SV2B: variants seen among roughly 807,000 people sequenced by gnomAD.
SV2B encodes the protein synaptic vesicle glycoprotein 2B.
In SV2B, 41 loss-of-function variants were observed where a neutral mutation model predicts 73.9. That is an observed-to-expected ratio of 0.56 (90% CI 0.43 to 0.72). The LOEUF is 0.72. Ranked by LOEUF, SV2B falls within the 30% of genes least tolerant of loss-of-function variation. The pLI, the probability that SV2B is intolerant of heterozygous loss-of-function variation, is 0.00. For missense variants in SV2B, 764 were observed against 857.8 expected, an observed-to-expected ratio of 0.89 and a Z score of 1.37; for synonymous variants, 314 against 314.2, an observed-to-expected ratio of 1.00 and a Z score of 0.01.
At chr15:91,108,557 GT>G (rs974134588) in intron 1 of SV2B, among the ~76,000 whole-genome samples, 2 of 152,244 alleles carry the variant, frequency 1.3e-5, no homozygotes, top group African/African-American at 2.4e-5. Context: ...ATGCTGCTGT[GT>G]TTTCTCTGTT....
chr15:91,143,406 A>AGAATAC (rs1238062395), intron 1 of SV2B, among the ~76,000 whole-genome samples: 15 of 152,306 alleles, frequency 9.8e-5, no homozygotes, highest in African/African-American at 3.1e-4. Flanking sequence ...ATTTGCCCCG[A>AGAATAC]GAATACCTGC....
At chr15:91,217,456 C>T (rs1273326603) in intron 1 of SV2B, among the ~76,000 whole-genome samples, 2 of 151,954 alleles carry the variant, frequency 1.3e-5, no homozygotes, top group African/African-American at 4.8e-5. Context: ...AGGAGATATA[C>T]CTAATGTAAG....
rs1194539706 is a variant in SV2B at position 91,158,683 on chromosome 15, TCTCTTCTCTTCTCTTCTCTC to T, written c.-392+58325_-392+58344del. ...TCTCTTCTCTTCTCTTCTCTTCTCT[TCTCTTCTCTTCTCTTCTCTC>T]CTCTCCTCTCCTCTCCTCTCCTCTC... is the stretch of plus-strand genomic sequence containing the variant. On this transcript the variant is annotated intron_variant, in intron 1 of 12. Coordinates refer to ENST00000394232, the MANE Select transcript of SV2B (RefSeq NM_001323032.3). Among the ~76,000 whole-genome samples, 34 of 61,608 alleles carry T rather than the reference TCTCTTCTCTTCTCTTCTCTC, an allele frequency of 5.5e-4. 2 individuals carry two copies. Among genetic ancestry groups the T allele is most frequent in the African/African-American group, 7.9e-4 (12 of 15,178 alleles). The allele number at this position is 61,608 out of a possible 152,430, so 40.4% of individuals were successfully genotyped here.
intron 1 of SV2B, among the ~76,000 whole-genome samples, chr15:91,206,165 G>A (rs981313740): frequency 6.7e-6 from 1 of 148,258 alleles, no homozygotes; most frequent in African/African-American, 2.5e-5. Context: ...ACCCTTCTGA[G>A]TAGCTGGGAC....
rs1408561113 is a variant in SV2B, at chr15:91,295,581, T to C, written c.*3029T>C. On this transcript the variant is annotated 3_prime_UTR_variant, in exon 13 of 13. Transcript: ENST00000394232. The stretch of plus-strand genomic sequence containing the variant: ...ACGATGTGGCCCAGATTACATGTAA[T>C]GTGAGGAGTGGGCGAGAAGGCCTAA... 2 of 152,148 alleles carry C rather than the reference T, an allele frequency of 1.3e-5. No homozygotes were observed. The highest frequency in any genetic ancestry group is 1.3e-4 in the Admixed American group (2 of 15,286). The allele number at this position is 152,148 out of a possible 1,614,324, so 9.4% of individuals were successfully genotyped here.
At position 91,129,589 on chromosome 15, in the gene SV2B, A is replaced by G. The variant is rs1223777547; in HGVS notation, c.-392+29226A>G. Among the ~76,000 whole-genome samples, 2 of 152,222 alleles carry G rather than the reference A, an allele frequency of 1.3e-5. No individual in the cohort carries two copies. Among genetic ancestry groups the G allele is most frequent in the Non-Finnish European group, 2.9e-5 (2 of 68,042 alleles). ...ATGTGCCCAGCACAGCACACTGGGC[A>G]CAGACTAGGACTGCATCTGGTTGCC... On this transcript the variant is annotated intron_variant, in intron 1 of 12. Transcript: ENST00000394232. The surrounding 1 kb of genome is among the most constrained non-coding windows in gnomAD (Gnocchi z 5.1).
At position 91,289,463 on chromosome 15, in the gene SV2B, C is replaced by T; in HGVS notation, c.1709-58C>T. ...GAGATGGGGCAAGAACTGTGAGTGA[C>T]AGCCATGTGCAAGACACAGGCCTCA... On this transcript the variant is annotated intron_variant, in intron 11 of 12. Transcript: ENST00000394232. This position sits in a 1 kb window ranked among gnomAD's most constrained non-coding sequence, Gnocchi z 4.9. 3 of 1,607,884 alleles carry T rather than the reference C, an allele frequency of 1.9e-6. No individual in the cohort carries two copies. The South Asian group carries it at 3.3e-5, about 18-fold the overall frequency.
At chr15:91,202,592 G>C (rs763453996) in intron 1 of SV2B, among the ~76,000 whole-genome samples, 1 of 152,184 alleles carries the variant, frequency 6.6e-6, no homozygotes, top group African/African-American at 2.4e-5. Context: ...GAGAACAGTG[G>C]CTGGCACATG....
intron 2 of SV2B, among the ~76,000 whole-genome samples, chr15:91,238,391 GA>G (rs1235149311): frequency 1.3e-5 from 2 of 152,162 alleles, no homozygotes; most frequent in African/African-American, 4.8e-5. Flanking sequence ...AAGTAACTTG[GA>G]AAAACTAGTC....
rs2049461878 is a variant in SV2B, at chr15:91,302,155, A to G, written c.*9603A>G. Among the ~76,000 whole-genome samples the G allele has an allele frequency of 6.6e-6, 1 of 152,248 alleles. No individual in the cohort carries two copies. Among genetic ancestry groups the G allele is most frequent in the Admixed American group, 6.5e-5 (1 of 15,284 alleles). On this transcript the variant is annotated 3_prime_UTR_variant, in exon 13 of 13. Transcript: ENST00000394232. The stretch of plus-strand genomic sequence containing the variant: ...TGCATTGTGACTAACACAGTATTTG[A>G]TACGTAGTAGGTCTCAATAGATGAT...
chr15:91,243,199 T>C (rs919092661), intron 2 of SV2B, among the ~76,000 whole-genome samples: 2 of 152,138 alleles, frequency 1.3e-5, no homozygotes, highest in Admixed American at 1.3e-4. Flanking sequence ...CTGAGCCTCA[T>C]TGGGTTATGA....
In SV2B at chr15:91,151,098, G is replaced by C. The variant is rs57590898; in HGVS notation, c.-392+50735G>C. On this transcript the variant is annotated intron_variant, in intron 1 of 12. Transcript: ENST00000394232. ...ACCATGGAGCTGCCTCACCATGAGC[G>C]TGGAGCTCTGCCCTGTGCTGAGATG... 9.0e-3 allele frequency among the ~76,000 whole-genome samples: 1,377 copies of C among 152,340 alleles called. 26 individuals are homozygous for C. The highest frequency in any genetic ancestry group is 0.032 in the African/African-American group (1,324 of 41,574).
chr15:91,190,442 C>T (rs1481155018), intron 1 of SV2B, among the ~76,000 whole-genome samples: 1 of 151,564 alleles, frequency 6.6e-6, no homozygotes, highest in Non-Finnish European at 1.5e-5. Flanking sequence ...TGTTCATGAT[C>T]GTAAAGTGAA....
chr15:91,150,817 T>C (rs1372806125), intron 1 of SV2B, among the ~76,000 whole-genome samples: 1 of 152,170 alleles, frequency 6.6e-6, no homozygotes, highest in Non-Finnish European at 1.5e-5. Flanking sequence ...GAGGAGCTTG[T>C]AGTGAGCAGA....
At position 91,283,514 on chromosome 15, in the gene SV2B, T is replaced by C. The variant is rs13329386; in HGVS notation, c.1508-507T>C. 3.7e-3 allele frequency among the ~76,000 whole-genome samples: 567 copies of C among 152,254 alleles called. 1 individual carries two copies. Among genetic ancestry groups the C allele is most frequent in the African/African-American group, 0.012 (500 of 41,546 alleles). On this transcript the variant is annotated intron_variant, in intron 10 of 12. Transcript: ENST00000394232. The surrounding 1 kb of genome is among the most constrained non-coding windows in gnomAD (Gnocchi z 4.3). ...GCAGTGGCATGACCATGGCTCAATGTAGCCTTGACCTCCTGGGCTCAAGTG... is the reference window on the plus strand; with the variant it reads ...GCAGTGGCATGACCATGGCTCAATGCAGCCTTGACCTCCTGGGCTCAAGTG...
chr15:91,271,091 T>TGATGGGTGGAC (rs2048300742), intron 9 of SV2B, among the ~76,000 whole-genome samples: 5 of 114,870 alleles, frequency 4.4e-5, no homozygotes, highest in Admixed American at 7.9e-5. Flanking sequence ...ATGTTGTGGA[T>TGATGGGTGGAC]GGTGAATCCT....
intron 9 of SV2B, among the ~76,000 whole-genome samples, chr15:91,274,825 G>A (rs1187941007): frequency 6.6e-6 from 1 of 152,028 alleles, no homozygotes; most frequent in Non-Finnish European, 1.5e-5. Context: ...GTTGTTGTTA[G>A]GTGTATACAT....
chr15:91,276,297 CCTT>C (rs1185541241), intron 9 of SV2B, among the ~76,000 whole-genome samples: 1 of 151,826 alleles, frequency 6.6e-6, no homozygotes, highest in African/African-American at 2.4e-5. Context: ...TCCTTCTCCT[CCTT>C]CTTCTTGGGA....
At chr15:91,218,254 G>C (rs1036970560) in intron 1 of SV2B, among the ~76,000 whole-genome samples, 2 of 152,164 alleles carry the variant, frequency 1.3e-5, no homozygotes, top group African/African-American at 4.8e-5. Context: ...AATTTACCAA[G>C]GCCTGTCTGC....
Sources: allele counts gnomAD v4.1 joint callset (sites outside exome capture counted in the v4.1 genomes callset), GRCh38; gene constraint gnomAD v4.1.1; non-coding constraint Gnocchi (gnomAD v3.1); transcripts MANE v1.5; gene names NCBI Gene and HGNC (gene_info 2026-07-23, HGNC 2026-07-21).